NEDD4: variants seen among roughly 807,000 people sequenced by gnomAD.
NEDD4 encodes NEDD4 E3 ubiquitin protein ligase, also known as E3 ubiquitin-protein ligase NEDD4.
A neutral mutation model predicts 144.9 loss-of-function variants in NEDD4; 99 were observed. That is an observed-to-expected ratio of 0.68 (90% CI 0.58 to 0.81). The LOEUF is 0.81. Ranked by LOEUF, NEDD4 falls within the 30% of genes least tolerant of loss-of-function variation. NEDD4 has a pLI of 0.00. For missense variants in NEDD4, 985 were observed against 1,065.9 expected (o/e 0.92, Z 1.06); for synonymous variants, 318 against 350.6 (o/e 0.91, Z 1.04).
At chr15:55,926,805 G>A (rs1249706513) in intron 4 of NEDD4, among the ~76,000 whole-genome samples, 1 of 152,022 alleles carries the variant, frequency 6.6e-6, no homozygotes, top group African/African-American at 2.4e-5. Flanking sequence ...GGTGGGCATG[G>A]TGGCTCACGC....
intron 19 of NEDD4, among the ~76,000 whole-genome samples, chr15:55,841,509 A>C (rs1439135779): frequency 6.6e-6 from 1 of 152,164 alleles, no homozygotes; most frequent in African/African-American, 2.4e-5. Context: ...AAAGTTCTAG[A>C]GTTGGATAGT....
chr15:55,981,272 C>A (rs2037799487), intron 1 of NEDD4, among the ~76,000 whole-genome samples: 1 of 152,092 alleles, frequency 6.6e-6, no homozygotes, highest in African/African-American at 2.4e-5. Context: ...ACCATGTTGG[C>A]CAGGCTGGTC....
At chr15:55,870,423 A>C (rs2034743261) in intron 7 of NEDD4, among the ~76,000 whole-genome samples, 1 of 151,778 alleles carries the variant, frequency 6.6e-6, no homozygotes, top group Non-Finnish European at 1.5e-5. Context: ...TTGAATAATC[A>C]GTTGTCTAAG....
At chr15:55,961,026 C>G (rs533466117) in intron 2 of NEDD4, among the ~76,000 whole-genome samples, 1 of 152,160 alleles carries the variant, frequency 6.6e-6, no homozygotes, top group Non-Finnish European at 1.5e-5. Flanking sequence ...CTGATACACT[C>G]GACCCTAACT....
At chr15:55,869,759 AC>A in intron 7 of NEDD4, 78 bp from the exon 8 acceptor site, 1 of 914,348 alleles carries the variant, frequency 1.1e-6, no homozygotes, top group East Asian at 2.7e-5. Flanking sequence ...TTTAATGAAC[AC>A]CCACTAGGTA....
intron 2 of NEDD4, among the ~76,000 whole-genome samples, chr15:55,960,934 C>T (rs765274228): frequency 1.4e-4 from 21 of 152,224 alleles, no homozygotes; most frequent in Admixed American, 2.6e-4. Flanking sequence ...AGGCATGCTG[C>T]CCTCTTCTCT....
intron 5 of NEDD4, among the ~76,000 whole-genome samples, chr15:55,888,527 C>T (rs1033546441): frequency 1.3e-5 from 2 of 152,114 alleles, no homozygotes; most frequent in Non-Finnish European, 2.9e-5. Flanking sequence ...GCCCATACTA[C>T]CCAAAGCAAT....
intron 2 of NEDD4, among the ~76,000 whole-genome samples, chr15:55,954,702 T>C (rs2037306191): frequency 2.6e-5 from 4 of 152,274 alleles, no homozygotes; most frequent in Middle Eastern, 3.4e-3. Flanking sequence ...TTTTGTATTT[T>C]TAGTAGAGAT....
At chr15:55,836,105 A>T (rs2033181028) in intron 24 of NEDD4, among the ~76,000 whole-genome samples, 1 of 151,802 alleles carries the variant, frequency 6.6e-6, no homozygotes, top group Admixed American at 6.6e-5. Flanking sequence ...TTAGAACTGC[A>T]TTTCCCTCTT....
intron 2 of NEDD4, among the ~76,000 whole-genome samples, chr15:55,956,123 T>A (rs1255295512): frequency 2.0e-5 from 3 of 152,108 alleles, no homozygotes; most frequent in African/African-American, 7.2e-5. Flanking sequence ...CCACATTTCT[T>A]TTTTTTATGT....
At chr15:55,989,914 A>C (rs1286551615) in intron 1 of NEDD4, among the ~76,000 whole-genome samples, 1 of 152,106 alleles carries the variant, frequency 6.6e-6, no homozygotes, top group Non-Finnish European at 1.5e-5. Flanking sequence ...CTCACCGATC[A>C]CATTACCTCC....
At chr15:55,898,023 C>T (rs1316895820) in intron 5 of NEDD4, among the ~76,000 whole-genome samples, 1 of 152,158 alleles carries the variant, frequency 6.6e-6, no homozygotes, top group Non-Finnish European at 1.5e-5. Context: ...CCTGATCTTC[C>T]ATTGACATTA....
intron 4 of NEDD4, among the ~76,000 whole-genome samples, chr15:55,949,945 T>C (rs2037207866): frequency 6.7e-6 from 1 of 149,308 alleles, no homozygotes; most frequent in South Asian, 2.1e-4. Flanking sequence ...GAACTTAAAG[T>C]ATAATTAAAA....
At chr15:55,898,569 C>T (rs575250499) in intron 5 of NEDD4, among the ~76,000 whole-genome samples, 1 of 151,672 alleles carries the variant, frequency 6.6e-6, no homozygotes, top group Non-Finnish European at 1.5e-5. Context: ...TCTTCCTTGC[C>T]TAGACTGCCC....
chr15:55,863,538 T>C (rs539982658), intron 8 of NEDD4, among the ~76,000 whole-genome samples: 7 of 152,304 alleles, frequency 4.6e-5, no homozygotes, highest in Non-Finnish European at 7.4e-5. Flanking sequence ...AAACATCACA[T>C]TGTCCTCCAT....
chr15:55,901,953 C>T (rs2035926995), intron 5 of NEDD4, among the ~76,000 whole-genome samples: 1 of 151,934 alleles, frequency 6.6e-6, no homozygotes, highest in South Asian at 2.1e-4. Context: ...TTTGGAAAAG[C>T]TATAATAGGA....
chr15:55,922,757 T>A (rs1465434538), intron 5 of NEDD4, among the ~76,000 whole-genome samples: 1 of 152,126 alleles, frequency 6.6e-6, no homozygotes, highest in Non-Finnish European at 1.5e-5. Flanking sequence ...TGGCTAGTAC[T>A]TGTGGAGGAA....
In NEDD4 at chr15:55,829,050, C is replaced by T. The variant is rs2032819202; in HGVS notation, c.*847G>A. ...GTTCTTCAAGGCATATTTAGAAATA[C>T]TGCTTTGTGGATCTTTAATGTTTGA... On this transcript the variant is annotated 3_prime_UTR_variant, in exon 29 of 29. Coordinates refer to ENST00000435532, the MANE Select transcript of NEDD4 (RefSeq NM_006154.4). 6.6e-6 allele frequency: 1 copy of T among 152,556 alleles called. No individual in the cohort carries two copies. Among genetic ancestry groups the T allele is most frequent in the African/African-American group, 2.4e-5 (1 of 41,430 alleles). The allele number at this position is 152,556 out of a possible 1,614,324, so 9.5% of individuals were successfully genotyped here. A position where few individuals can be genotyped will look rare whatever the true frequency, so the allele number is the denominator to read the frequency against.
intron 4 of NEDD4, among the ~76,000 whole-genome samples, chr15:55,944,933 G>A (rs980134770): frequency 4.6e-5 from 7 of 152,058 alleles, no homozygotes; most frequent in African/African-American, 7.2e-5. Context: ...AGTGTTAGAC[G>A]GAAAACTAAC....
Sources: allele counts gnomAD v4.1 joint callset (sites outside exome capture counted in the v4.1 genomes callset), GRCh38; gene constraint gnomAD v4.1.1; transcripts MANE v1.5; gene names NCBI Gene and HGNC (gene_info 2026-07-23, HGNC 2026-07-21).